SGTB: variants seen among roughly 807,000 people sequenced by gnomAD.
The protein encoded by SGTB is small glutamine-rich tetratricopeptide repeat-containing protein beta.
In SGTB, 19 loss-of-function variants were observed where a neutral mutation model predicts 43.9. The ratio of observed to expected loss-of-function variants is 0.43; its 90% CI spans 0.30 to 0.63. The LOEUF is 0.63. Among genes scored for constraint, SGTB ranks in the 30% least tolerant of loss-of-function variants. The probability of loss-of-function intolerance (pLI) is 0.12; values close to 1 mark genes in which losing one functional copy is unlikely to be tolerated. For missense variants in SGTB, 304 were observed against 358.9 expected, an observed-to-expected ratio of 0.85 and a Z score of 1.24; for synonymous variants, 116 against 117.3, an observed-to-expected ratio of 0.99 and a Z score of 0.07.
Position 65,685,391 on chromosome 5 carries a change from G to C in SGTB, c.456C>G (p.Tyr152Ter). Reference sequence around the variant, plus strand: ...ACCCCATTCTCCCATAGGCCTTGCTGTACTTTGAATCAATTGCTATTGCTT... The same window carrying C: ...ACCCCATTCTCCCATAGGCCTTGCTCTACTTTGAATCAATTGCTATTGCTT... ...CEKAIAIDSK[Y>*]SKAYGRMGLA... Residue 152 changes from tyrosine (Y) to a stop codon, truncating the protein, a stop_gained, in exon 6 of 11, where the codon TAC (tyrosine) becomes TAG (stop). Transcript: ENST00000381007. LOFTEE classifies it high-confidence loss of function. The C allele has an allele frequency of 6.2e-7, 1 of 1,614,168 alleles. No homozygotes were observed. The highest frequency in any genetic ancestry group is 8.5e-7 in the Non-Finnish European group (1 of 1,180,030).
chr5:65,692,546 A>T (rs1757632973), intron 5 of SGTB, among the ~76,000 whole-genome samples: 3 of 152,196 alleles, frequency 2.0e-5, no homozygotes, highest in Admixed American at 2.0e-4. Context: ...AATCCAGAAT[A>T]TGGCTCATTC....
At chr5:65,706,693 G>A (rs767028217) in intron 4 of SGTB, among the ~76,000 whole-genome samples, 14 of 151,862 alleles carry the variant, frequency 9.2e-5, no homozygotes, top group Admixed American at 4.6e-4. Context: ...TTAGCTGGGC[G>A]TGGTGGCACA....
At chr5:65,683,148 G>T (rs1757431446) in intron 6 of SGTB, among the ~76,000 whole-genome samples, 1 of 151,386 alleles carries the variant, frequency 6.6e-6, no homozygotes, top group Non-Finnish European at 1.5e-5. Flanking sequence ...AGGAATACTA[G>T]ATAACACTTC....
intron 8 of SGTB, among the ~76,000 whole-genome samples, chr5:65,678,413 C>T (rs181310788): frequency 6.6e-6 from 1 of 152,278 alleles, no homozygotes; most frequent in African/African-American, 2.4e-5. Flanking sequence ...TGAAAATGGC[C>T]ATATTGCCTA....
At position 65,686,288 on chromosome 5, in the gene SGTB, C is replaced by T. The variant is rs776323608; in HGVS notation, c.375-816G>A. ...TGCTGCACAGCACCTCTGCCTCCAA[C>T]ACTGTAACTCCAAGACCTGGTACCC... On this transcript the variant is annotated intron_variant, in intron 5 of 10. Coordinates refer to ENST00000381007, the MANE Select transcript of SGTB (RefSeq NM_019072.3). Among the ~76,000 whole-genome samples, 119 of 152,142 alleles carry T rather than the reference C, an allele frequency of 7.8e-4. 9 individuals carry two copies. Among genetic ancestry groups the T allele is most frequent in the Non-Finnish European group, 1.9e-4 (13 of 68,014 alleles).
intron 5 of SGTB, among the ~76,000 whole-genome samples, chr5:65,695,771 C>A (rs375164530): frequency 1.3e-5 from 2 of 152,164 alleles, no homozygotes; most frequent in Non-Finnish European, 2.9e-5. Flanking sequence ...ATTAAAGAAG[C>A]CTTACCTTGT....
chr5:65,721,566 C>G (rs1468428963), intron 1 of SGTB, among the ~76,000 whole-genome samples: 1 of 152,182 alleles, frequency 6.6e-6, no homozygotes, highest in Non-Finnish European at 1.5e-5. Context: ...CATCATCCAT[C>G]TGCTCCCCAG....
chr5:65,717,613 G>A (rs766082857), intron 2 of SGTB, among the ~76,000 whole-genome samples: 4 of 152,030 alleles, frequency 2.6e-5, no homozygotes, highest in Non-Finnish European at 5.9e-5. Context: ...TTTCTTGGTG[G>A]AGTAGAAAGC....
chr5:65,704,384 ATAAAG>A lies in SGTB; in HGVS notation c.275-11_275-7del. The stretch of plus-strand genomic sequence containing the variant: ...TTCTTTCATGTGGTTATTGCCTAAA[ATAAAG>A]TAACCAGTATGTACAGTAAGTATAA... On this transcript the variant is annotated splice_region_variant and splice_polypyrimidine_tract_variant and intron_variant, in intron 4 of 10. Transcript: ENST00000381007. 1 of 1,605,668 alleles carries A rather than the reference ATAAAG, an allele frequency of 6.2e-7. No individual in the cohort carries two copies. Among genetic ancestry groups the A allele is most frequent in the Non-Finnish European group, 8.5e-7 (1 of 1,173,818 alleles).
chr5:65,712,953 C>T lies in SGTB; in HGVS notation c.204+8G>A. 1.2e-6 allele frequency: 2 copies of T among 1,604,336 alleles called. No individual in the cohort carries two copies. Among genetic ancestry groups the T allele is most frequent in the Non-Finnish European group, 8.5e-7 (1 of 1,172,612 alleles). ...TCAGTTAATAATGAGAAAATAATGA[C>T]AACATACCTTACAGAAGGAACTGGT... On this transcript the variant is annotated splice_region_variant and intron_variant, in intron 3 of 10. Coordinates refer to ENST00000381007, the MANE Select transcript of SGTB (RefSeq NM_019072.3).
At chr5:65,689,329 C>T (rs1036373938) in intron 5 of SGTB, among the ~76,000 whole-genome samples, 1 of 152,110 alleles carries the variant, frequency 6.6e-6, no homozygotes, top group Non-Finnish European at 1.5e-5. Context: ...TCAGAGCAAT[C>T]AAGGACCATT....
At chr5:65,687,796 T>G (rs568369862) in intron 5 of SGTB, among the ~76,000 whole-genome samples, 1 of 152,244 alleles carries the variant, frequency 6.6e-6, no homozygotes, top group Non-Finnish European at 1.5e-5. Flanking sequence ...TGAGACGGAG[T>G]CTTGCTTTGT....
chr5:65,680,002 T>C (rs1757362464), intron 8 of SGTB, among the ~76,000 whole-genome samples: 1 of 152,242 alleles, frequency 6.6e-6, no homozygotes, highest in Non-Finnish European at 1.5e-5. Flanking sequence ...AATAAGATTA[T>C]GTCCCTCGCA....
intron 5 of SGTB, among the ~76,000 whole-genome samples, chr5:65,694,431 G>C (rs1302814005): frequency 6.6e-6 from 1 of 151,994 alleles, no homozygotes; most frequent in Non-Finnish European, 1.5e-5. Context: ...AAAAAGAAAA[G>C]AAATTAAGAA....
intron 5 of SGTB, among the ~76,000 whole-genome samples, chr5:65,697,354 T>C (rs1041385138): frequency 2.6e-5 from 4 of 152,192 alleles, no homozygotes; most frequent in Non-Finnish European, 4.4e-5. Flanking sequence ...TTTCTTCTAA[T>C]ACAGTACTGG....
At chr5:65,670,542 G>C (rs1378694344) in intron 10 of SGTB, among the ~76,000 whole-genome samples, 185 bp from the exon 11 acceptor site, 1 of 152,160 alleles carries the variant, frequency 6.6e-6, no homozygotes, top group Non-Finnish European at 1.5e-5. Context: ...TTACAATGCA[G>C]TGTTCTTTAT....
intron 5 of SGTB, among the ~76,000 whole-genome samples, chr5:65,686,824 C>T (rs764334482): frequency 1.7e-4 from 26 of 152,206 alleles, no homozygotes; most frequent in Non-Finnish European, 7.3e-5. Context: ...CACCACCTAG[C>T]TCCAAGTATC....
rs1416795562 is a variant in SGTB at position 65,672,249 on chromosome 5, T to C, written c.714A>G (p.Gln238=). 2 of 1,613,984 alleles carry C rather than the reference T, an allele frequency of 1.2e-6. No homozygotes were observed. Among genetic ancestry groups the C allele is most frequent in the African/African-American group, 2.7e-5 (2 of 74,900 alleles). Residue 238 remains glutamine, a synonymous_variant, in exon 9 of 11, where the codon CAA becomes CAG. Transcript: ENST00000381007. ...AGCTCTTTCTATATACTTACAGCTG[T>C]TGAACTTGAGGGTTCTGCATTAAAC... ...AASLMQNPQV[Q]QLMSGMMTNA... is the part of the protein sequence containing the mutation.
At chr5:65,689,961 T>C (rs564364160) in intron 5 of SGTB, among the ~76,000 whole-genome samples, 332 of 152,244 alleles carry the variant, frequency 2.2e-3, no homozygotes, top group African/African-American at 7.8e-3. Context: ...TGGTAGTTCA[T>C]GTGAAAAAGT....
Sources: gnomAD v4.1 joint callset for allele counts (sites outside exome capture counted in the v4.1 genomes callset) on GRCh38, gnomAD v4.1.1 for gene constraint, MANE v1.5 for transcripts, NCBI Gene and HGNC (gene_info 2026-07-23, HGNC 2026-07-21) for gene names.